Variants in AZIN2 observed in about 807,000 individuals in gnomAD.
AZIN2 encodes the protein antizyme inhibitor 2, also known as ODC antizyme inhibitor-2.
A neutral mutation model predicts 47.8 loss-of-function variants in AZIN2; 28 were observed. The ratio of observed to expected loss-of-function variants is 0.59; its 90% CI spans 0.43 to 0.80. AZIN2 has a LOEUF of 0.80. Among genes scored for constraint, AZIN2 ranks in the 30% least tolerant of loss-of-function variants. AZIN2 has a pLI of 0.00. For synonymous variants in AZIN2, 221 were observed against 239.4 expected, an observed-to-expected ratio of 0.92 and a Z score of 0.71; for missense variants, 535 against 582.5, an observed-to-expected ratio of 0.92 and a Z score of 0.84.
At position 33,122,999 on chromosome 1, in the gene AZIN2, C is replaced by T. The variant is rs1035362179; in HGVS notation, c.*2817C>T. ...AGTCCTTGGCCAGCTGGCTCTCTGA[C>T]TCCCACACTTCCCTCTCACGCACTG... On this transcript the variant is annotated 3_prime_UTR_variant, in exon 12 of 12. Transcript: ENST00000294517. Among the ~76,000 whole-genome samples the T allele has an allele frequency of 6.6e-6, 1 of 152,222 alleles. No individual in the cohort carries two copies. Among genetic ancestry groups the T allele is most frequent in the Admixed American group, 6.5e-5 (1 of 15,282 alleles).
the AZIN2 span, chr1:33,158,365 G>A: frequency 1.2e-6 from 2 of 1,613,404 alleles, no homozygotes; most frequent in Non-Finnish European, 1.7e-6. Context: ...TTTTTCCCTT[G>A]AGCCTGGAAG....
At chr1:33,147,476 T>C in the AZIN2 span, 1 of 1,613,798 alleles carries the variant, frequency 6.2e-7, no homozygotes, top group Non-Finnish European at 8.5e-7. This position sits in a 1 kb window ranked among gnomAD's most constrained non-coding sequence, Gnocchi z 8.1. Flanking sequence ...ATCTGGATGC[T>C]GCCCTTGCGG....
At chr1:33,117,618 A>G (rs1644611143) in intron 10 of AZIN2, among the ~76,000 whole-genome samples, 1 of 152,152 alleles carries the variant, frequency 6.6e-6, no homozygotes, top group Non-Finnish European at 1.5e-5. Flanking sequence ...TGTTATCCCC[A>G]TTTTACAAAT....
the AZIN2 span, among the ~76,000 whole-genome samples, chr1:33,157,547 A>G: frequency 6.7e-6 from 1 of 149,300 alleles, no homozygotes; most frequent in East Asian, 1.9e-4. Flanking sequence ...ACTTTTGTCT[A>G]CTTTCTATCT....
chr1:33,147,061 A>G, the AZIN2 span: 22 of 1,115,740 alleles, frequency 2.0e-5, no homozygotes, highest in East Asian at 5.1e-4. This position sits in a 1 kb window ranked among gnomAD's most constrained non-coding sequence, Gnocchi z 8.1. Flanking sequence ...AGGGTAAACA[A>G]CTGGCCTGAG....
At chr1:33,132,156 G>A in the AZIN2 span, among the ~76,000 whole-genome samples, 1 of 152,110 alleles carries the variant, frequency 6.6e-6, no homozygotes, top group Non-Finnish European at 1.5e-5. Flanking sequence ...CAGCTGCTAC[G>A]GCTATGGGAA....
chr1:33,086,070 G>A (rs1404646563), intron 5 of AZIN2, among the ~76,000 whole-genome samples: 1 of 152,230 alleles, frequency 6.6e-6, no homozygotes, highest in Non-Finnish European at 1.5e-5. Context: ...GCAGAGTGAG[G>A]TGTTAAGGCT....
the AZIN2 span, among the ~76,000 whole-genome samples, chr1:33,151,916 C>T: frequency 1.3e-5 from 2 of 152,228 alleles, no homozygotes; most frequent in Non-Finnish European, 2.9e-5. Flanking sequence ...TCTTTGTTCT[C>T]AAGAACAGAG....
At chr1:33,133,881 T>C in the AZIN2 span, among the ~76,000 whole-genome samples, 4 of 152,222 alleles carry the variant, frequency 2.6e-5, no homozygotes, top group African/African-American at 7.2e-5. Flanking sequence ...AGGTGCTGGG[T>C]ACTTGCTTGT....
At chr1:33,166,782 C>T in the AZIN2 span, among the ~76,000 whole-genome samples, 1 of 152,162 alleles carries the variant, frequency 6.6e-6, no homozygotes, top group African/African-American at 2.4e-5. Context: ...TAAATAAAAA[C>T]ACAATCAGCC....
At chr1:33,151,238 G>A in the AZIN2 span, among the ~76,000 whole-genome samples, 1 of 152,150 alleles carries the variant, frequency 6.6e-6, no homozygotes. Flanking sequence ...GACCTGTGCT[G>A]CTTGAAGCCC....
chr1:33,166,569 C>T, the AZIN2 span, among the ~76,000 whole-genome samples: 1 of 152,120 alleles, frequency 6.6e-6, no homozygotes, highest in Admixed American at 6.5e-5. Context: ...TTATCTCCAT[C>T]TTCTGATGGA....
At chr1:33,098,437 T>A (rs114963900) in intron 10 of AZIN2, among the ~76,000 whole-genome samples, 1,528 of 152,324 alleles carry the variant, frequency 0.01, 10 homozygotes, top group African/African-American at 0.017. Context: ...GGGGTGTAGC[T>A]CTTTCCATGC....
chr1:33,154,667 G>T, the AZIN2 span, among the ~76,000 whole-genome samples: 1 of 151,324 alleles, frequency 6.6e-6, no homozygotes, highest in African/African-American at 2.4e-5. Flanking sequence ...GTGCAGTGGC[G>T]TGTGCCTGTA....
rs1435604115 is a variant in AZIN2 at position 33,081,615 on chromosome 1, C to T, written c.-270C>T. 4 of 158,886 alleles carry T rather than the reference C, an allele frequency of 2.5e-5. No individual in the cohort carries two copies. The highest frequency in any genetic ancestry group is 5.9e-5 in the Admixed American group (1 of 16,852). 9.8% of individuals were successfully genotyped at this position (158,886 alleles called of 1,614,324 possible). A position where few individuals can be genotyped will look rare whatever the true frequency, so the allele number is the denominator to read the frequency against. On this transcript the variant is annotated 5_prime_UTR_variant, in exon 3 of 12. Transcript: ENST00000294517. This position sits in a 1 kb window ranked among gnomAD's most constrained non-coding sequence, Gnocchi z 4.2. ...TTCTCTCCCAGGAGCTTGCGGCCCCCACCCACCGCGTGGCGTCCCCAGGCA... is the reference window on the plus strand; with the variant it reads ...TTCTCTCCCAGGAGCTTGCGGCCCCTACCCACCGCGTGGCGTCCCCAGGCA...
chr1:33,108,742 T>C (rs1055264086), intron 10 of AZIN2, among the ~76,000 whole-genome samples: 12 of 152,246 alleles, frequency 7.9e-5, no homozygotes, highest in African/African-American at 2.7e-4. Flanking sequence ...TTCCATTATC[T>C]GGGTATACAG....
At chr1:33,165,055 A>C in the AZIN2 span, 2 of 154,814 alleles carry the variant, frequency 1.3e-5, no homozygotes, top group Non-Finnish European at 2.8e-5. This position sits in a 1 kb window ranked among gnomAD's most constrained non-coding sequence, Gnocchi z 4.0. Flanking sequence ...GCCTCTGAAG[A>C]GACTGGGACT....
rs375053963 is a variant in AZIN2, at chr1:33,091,611, A to G, written c.280-439A>G. 2.6e-5 allele frequency among the ~76,000 whole-genome samples: 4 copies of G among 152,178 alleles called. No homozygotes were observed. The East Asian group carries it at 7.7e-4, about 29-fold the overall frequency. ...TAATATTTAAACATTTAAATTTGCC[A>G]GGAAAATGTGTCAGAAGCCTGTTGT... On this transcript the variant is annotated intron_variant, in intron 5 of 11. Coordinates refer to ENST00000294517, the MANE Select transcript of AZIN2 (RefSeq NM_052998.4).
the AZIN2 span, among the ~76,000 whole-genome samples, chr1:33,136,470 G>A: frequency 5.3e-5 from 8 of 151,782 alleles, no homozygotes; most frequent in Non-Finnish European, 1.0e-4. Flanking sequence ...CCAGGCTCAA[G>A]CAATTCTCAT....
Sources: gnomAD v4.1 joint callset for allele counts (sites outside exome capture counted in the v4.1 genomes callset) on GRCh38, gnomAD v4.1.1 for gene constraint, Gnocchi (gnomAD v3.1) non-coding constraint, MANE v1.5 for transcripts, NCBI Gene and HGNC (gene_info 2026-07-23, HGNC 2026-07-21) for gene names.